RAB2A: variants seen among roughly 807,000 people sequenced by gnomAD.
RAB2A encodes the protein RAB2A, member RAS oncogene family, also known as ras-related protein Rab-2A.
In RAB2A, 7 loss-of-function variants were observed where a neutral mutation model predicts 32.5. That is an observed-to-expected ratio of 0.22 (90% CI 0.12 to 0.40). RAB2A has a LOEUF of 0.40. Ranked by LOEUF, RAB2A falls within the 10% of genes least tolerant of loss-of-function variation. The pLI is 1.00. For synonymous variants in RAB2A, 79 were observed against 85.2 expected, an observed-to-expected ratio of 0.93 and a Z score of 0.40; for missense variants, 108 against 260.7, an observed-to-expected ratio of 0.41 and a Z score of 4.03.
intron 1 of RAB2A, among the ~76,000 whole-genome samples, chr8:60,531,417 A>T (rs1037722247): frequency 1.3e-5 from 2 of 152,226 alleles, no homozygotes; most frequent in African/African-American, 4.8e-5. Context: ...AACCAATAGC[A>T]ATGCCTGGAT....
Position 60,580,286 on chromosome 8 carries a change from C to T in RAB2A, c.187-3922C>T, listed in dbSNP as rs886273215. Among the ~76,000 whole-genome samples, 5 of 152,256 alleles carry T rather than the reference C, an allele frequency of 3.3e-5. No individual in the cohort carries two copies. The East Asian group carries it at 7.7e-4, about 23-fold the overall frequency. The stretch of plus-strand genomic sequence containing the variant: ...CTGAGATTACAGGCGTGAGCCACTG[C>T]GACCAGCCTAAAGTGCTTTTTAAAA... On this transcript the variant is annotated intron_variant, in intron 3 of 7. Transcript: ENST00000262646.
intron 1 of RAB2A, among the ~76,000 whole-genome samples, chr8:60,523,996 C>G (rs1318569482): frequency 6.6e-6 from 1 of 152,118 alleles, no homozygotes; most frequent in Non-Finnish European, 1.5e-5. Flanking sequence ...GGATTTTTGA[C>G]TAGCTCTTTT....
At chr8:60,566,364 G>A (rs563656029) in intron 2 of RAB2A, among the ~76,000 whole-genome samples, 25 of 151,960 alleles carry the variant, frequency 1.6e-4, no homozygotes, top group African/African-American at 2.7e-4. Flanking sequence ...AGCATTTTTC[G>A]TATGTTTAAG....
intron 1 of RAB2A, among the ~76,000 whole-genome samples, chr8:60,557,912 A>G (rs1563469385): frequency 6.6e-6 from 1 of 152,164 alleles, no homozygotes; most frequent in South Asian, 2.1e-4. Flanking sequence ...ATCAGTCATT[A>G]TAATTATTTC....
intron 5 of RAB2A, among the ~76,000 whole-genome samples, chr8:60,591,326 T>C (rs1281096991): frequency 7.1e-6 from 1 of 141,492 alleles, no homozygotes; most frequent in African/African-American, 2.5e-5. Context: ...TCCCTCCCTC[T>C]CTCTCTCTGT....
chr8:60,594,530 C>T lies in RAB2A; in HGVS notation c.474+2561C>T, dbSNP rs571914075. On this transcript the variant is annotated intron_variant, in intron 6 of 7. Transcript: ENST00000262646. ...TAAGTTCTAGGTTACATGTGCACAA[C>T]GAGCAGGTTTGTTACCTAGGTATAT... Among the ~76,000 whole-genome samples the T allele has an allele frequency of 1.7e-4, 26 of 152,156 alleles. No homozygotes were observed. In the East Asian group the frequency reaches 3.7e-3, roughly 21 times the overall value.
At chr8:60,531,403 G>GA (rs1807473982) in intron 1 of RAB2A, among the ~76,000 whole-genome samples, 1 of 152,124 alleles carries the variant, frequency 6.6e-6, no homozygotes, top group South Asian at 2.1e-4. Flanking sequence ...TTCTCATCTG[G>GA]AAAAACCAAT....
intron 5 of RAB2A, among the ~76,000 whole-genome samples, chr8:60,590,953 A>AG (rs1416823093): frequency 1.4e-4 from 22 of 152,206 alleles, no homozygotes; most frequent in Non-Finnish European, 8.8e-5. Context: ...GTGGGATCAG[A>AG]GACACACAGG....
chr8:60,526,644 G>T (rs1419503924), intron 1 of RAB2A, among the ~76,000 whole-genome samples: 1 of 152,024 alleles, frequency 6.6e-6, no homozygotes, highest in East Asian at 1.9e-4. Context: ...TACCATAAAG[G>T]CCTGCATTAG....
At chr8:60,526,535 T>G (rs565889118) in intron 1 of RAB2A, among the ~76,000 whole-genome samples, 5 of 152,326 alleles carry the variant, frequency 3.3e-5, no homozygotes, top group African/African-American at 1.2e-4. Context: ...GGTCTAATCT[T>G]AATCAAATCT....
chr8:60,569,073 A>G (rs899879810), intron 2 of RAB2A, among the ~76,000 whole-genome samples: 1 of 152,260 alleles, frequency 6.6e-6, no homozygotes, highest in Non-Finnish European at 1.5e-5. Context: ...AATTGGACCC[A>G]GTTATGGGAA....
intron 6 of RAB2A, among the ~76,000 whole-genome samples, chr8:60,607,117 CTTT>C (rs201215354): frequency 8.0e-6 from 1 of 124,756 alleles, no homozygotes; most frequent in Non-Finnish European, 1.7e-5. Flanking sequence ...GGTCAATTGT[CTTT>C]TTTTTTTTTT....
chr8:60,622,977 T>A lies in RAB2A; in HGVS notation c.*2208T>A, dbSNP rs1413000125. ...AATAATGTAATATTGGTACCTGCAG[T>A]TGAATTTGTAATATTGTAATTGAAT... is the stretch of plus-strand genomic sequence containing the variant. On this transcript the variant is annotated 3_prime_UTR_variant, in exon 8 of 8. Coordinates refer to ENST00000262646, the MANE Select transcript of RAB2A (RefSeq NM_002865.3). 6.6e-6 allele frequency: 1 copy of A among 152,226 alleles called. No homozygotes were observed. The highest frequency in any genetic ancestry group is 2.4e-5 in the African/African-American group (1 of 41,452). The allele number at this position is 152,226 out of a possible 1,614,324, so 9.4% of individuals were successfully genotyped here.
chr8:60,526,702 G>A (rs1297814815), intron 1 of RAB2A, among the ~76,000 whole-genome samples: 1 of 152,174 alleles, frequency 6.6e-6, no homozygotes, highest in Non-Finnish European at 1.5e-5. Flanking sequence ...AGGCATGATG[G>A]TTCACGCCTG....
intron 3 of RAB2A, among the ~76,000 whole-genome samples, chr8:60,580,141 T>C (rs1285626635): frequency 6.6e-6 from 1 of 151,652 alleles, no homozygotes; most frequent in Non-Finnish European, 1.5e-5. Context: ...AGATTACAGG[T>C]GTGCGCCACC....
intron 1 of RAB2A, among the ~76,000 whole-genome samples, chr8:60,546,216 A>G (rs1217251306): frequency 6.6e-6 from 1 of 152,206 alleles, no homozygotes; most frequent in African/African-American, 2.4e-5. Context: ...TAACTCTCCA[A>G]AGTCTCAGGG....
At chr8:60,588,378 A>T (rs992350513) in intron 5 of RAB2A, among the ~76,000 whole-genome samples, 1 of 152,236 alleles carries the variant, frequency 6.6e-6, no homozygotes, top group Admixed American at 6.5e-5. Flanking sequence ...CCACAGAATT[A>T]TGTACAAATA....
intron 6 of RAB2A, 139 bp from the exon 7 acceptor site, chr8:60,618,441 A>G (rs528075105): frequency 6.6e-6 from 2 of 303,822 alleles, no homozygotes; most frequent in African/African-American, 4.4e-5. Context: ...ATATGTTATT[A>G]ATATCTTTGT....
chr8:60,547,647 C>T (rs1317408566), intron 1 of RAB2A, among the ~76,000 whole-genome samples: 10 of 69,972 alleles, frequency 1.4e-4, no homozygotes, highest in East Asian at 9.3e-4. Context: ...GCTGGCCAGG[C>T]GGGGGGCTGA....
Sources: allele counts gnomAD v4.1 joint callset (sites outside exome capture counted in the v4.1 genomes callset), GRCh38; gene constraint gnomAD v4.1.1; transcripts MANE v1.5; gene names NCBI Gene and HGNC (gene_info 2026-07-23, HGNC 2026-07-21).